STPG2: variants seen among roughly 807,000 people sequenced by gnomAD.
The protein encoded by STPG2 is sperm tail PG-rich repeat containing 2.
Under a neutral mutation model 54.2 loss-of-function variants are expected in STPG2, and 56 were observed. That is an observed-to-expected ratio of 1.03 (90% CI 0.83 to 1.29). The LOEUF (loss-of-function observed/expected upper bound fraction) is 1.29, where lower values mean the gene tolerates loss of function less well. Ranked by LOEUF, STPG2 falls within the 50% of genes most tolerant of loss-of-function variation. The probability of loss-of-function intolerance (pLI) is 0.00; values close to 1 mark genes in which losing one functional copy is unlikely to be tolerated. For synonymous variants in STPG2, 200 were observed against 181.8 expected (o/e 1.10, Z -0.81); for missense variants, 596 against 544.9 (o/e 1.09, Z -0.93).
chr4:97,914,181 C>T (rs2149202647), intron 8 of STPG2, among the ~76,000 whole-genome samples: 1 of 152,244 alleles, frequency 6.6e-6, no homozygotes, highest in East Asian at 1.9e-4. Context: ...TAATCTTTGT[C>T]TGAAAGTAAA....
chr4:97,564,085 A>G (rs1321729545), intron 10 of STPG2, among the ~76,000 whole-genome samples: 5 of 152,106 alleles, frequency 3.3e-5, no homozygotes, highest in Admixed American at 3.3e-4. Flanking sequence ...ATTGTAGGTC[A>G]CTGAGGACTT....
At chr4:97,918,937 A>C (rs1219827169) in intron 8 of STPG2, among the ~76,000 whole-genome samples, 1 of 152,182 alleles carries the variant, frequency 6.6e-6, no homozygotes, top group Non-Finnish European at 1.5e-5. Flanking sequence ...GTAACCAAAC[A>C]CCACCTGTTC....
chr4:98,045,655 A>G (rs956771097), intron 5 of STPG2, among the ~76,000 whole-genome samples: 1 of 152,038 alleles, frequency 6.6e-6, no homozygotes, highest in African/African-American at 2.4e-5. Context: ...TAGCACTTTG[A>G]TTATATTACC....
chr4:97,651,470 G>A (rs1398397908), intron 10 of STPG2, among the ~76,000 whole-genome samples: 1 of 151,950 alleles, frequency 6.6e-6, no homozygotes, highest in Non-Finnish European at 1.5e-5. Flanking sequence ...TGTTAATTAA[G>A]CTATCTGGAA....
chr4:97,560,607 T>C (rs552883481), intron 10 of STPG2, among the ~76,000 whole-genome samples: 7 of 152,230 alleles, frequency 4.6e-5, no homozygotes, highest in Admixed American at 4.6e-4. Context: ...TAAATTCTCC[T>C]TTTCTCCATT....
At chr4:97,494,719 A>G (rs112330952) in intron 4 of STPG2, among the ~76,000 whole-genome samples, 3,089 of 50,866 alleles carry the variant, frequency 0.061, 65 homozygotes, top group African/African-American at 0.24. Context: ...TTGCGGAAGG[A>G]GTAAGGATTT....
intron 9 of STPG2, among the ~76,000 whole-genome samples, chr4:97,835,416 G>A (rs1728600676): frequency 6.6e-6 from 1 of 152,068 alleles, no homozygotes; most frequent in Non-Finnish European, 1.5e-5. Context: ...ACAGCCCCTA[G>A]GGCTGCTCTG....
chr4:97,745,259 A>G, intron 9 of STPG2, among the ~76,000 whole-genome samples: 1 of 98,714 alleles, frequency 1.0e-5, no homozygotes, highest in East Asian at 2.4e-4. Context: ...AAAAAACAAA[A>G]AAACAAAAAA....
chr4:97,969,361 C>T (rs988811882), intron 7 of STPG2, among the ~76,000 whole-genome samples: 1 of 152,226 alleles, frequency 6.6e-6, no homozygotes, highest in South Asian at 2.1e-4. Flanking sequence ...TTACTTCATC[C>T]CCATGTGACC....
chr4:98,039,652 C>G (rs1736885987), intron 5 of STPG2, among the ~76,000 whole-genome samples: 1 of 149,476 alleles, frequency 6.7e-6, no homozygotes. Context: ...ACAAAACTGC[C>G]TTTGCACCCC....
At chr4:97,989,141 C>T (rs1455518393) in intron 5 of STPG2, among the ~76,000 whole-genome samples, 1 of 152,134 alleles carries the variant, frequency 6.6e-6, no homozygotes, top group East Asian at 1.9e-4. Flanking sequence ...AGAGGCACTT[C>T]AGCAATGATA....
At chr4:97,959,905 T>A (rs1339370437) in intron 7 of STPG2, among the ~76,000 whole-genome samples, 2 of 152,040 alleles carry the variant, frequency 1.3e-5, no homozygotes, top group East Asian at 3.9e-4. Context: ...AAAAGAAAAC[T>A]ACAAATGGAT....
At chr4:97,706,976 A>C (rs1457161536) in intron 10 of STPG2, among the ~76,000 whole-genome samples, 1 of 152,194 alleles carries the variant, frequency 6.6e-6, no homozygotes, top group African/African-American at 2.4e-5. Context: ...AAATGGTTGT[A>C]TGTTTACCTG....
chr4:97,911,161 C>T (rs1013262641), intron 8 of STPG2, among the ~76,000 whole-genome samples: 1 of 152,236 alleles, frequency 6.6e-6, no homozygotes, highest in Admixed American at 6.5e-5. Context: ...AATAAGATCC[C>T]TTCAAGCCCA....
intron 8 of STPG2, among the ~76,000 whole-genome samples, chr4:97,884,881 T>G (rs1240868509): frequency 1.3e-5 from 2 of 152,006 alleles, no homozygotes; most frequent in Non-Finnish European, 2.9e-5. Flanking sequence ...CTTCTCACGG[T>G]TCAAATTTGG....
rs192850849 is a variant in STPG2 at position 97,799,341 on chromosome 4, T to C, written c.1204+41432A>G. 6.4e-4 allele frequency among the ~76,000 whole-genome samples: 98 copies of C among 152,354 alleles called. 1 individual carries two copies. Among genetic ancestry groups the C allele is most frequent in the Non-Finnish European group, 1.8e-4 (12 of 68,036 alleles). On this transcript the variant is annotated intron_variant, in intron 9 of 10. Transcript: ENST00000295268. ...GGTACAAGTTGTTCCTTTCCATGTT[T>C]AGTGCTTCCTTCAGGAGCTCTTGTA...
intron 9 of STPG2, among the ~76,000 whole-genome samples, chr4:97,836,826 A>C (rs772124623): frequency 6.7e-6 from 1 of 149,928 alleles, no homozygotes; most frequent in Non-Finnish European, 1.5e-5. Context: ...ATTAATTAAT[A>C]ATTAATATTA....
At chr4:97,843,462 A>G (rs1397433669) in intron 8 of STPG2, among the ~76,000 whole-genome samples, 1 of 151,996 alleles carries the variant, frequency 6.6e-6, no homozygotes, top group East Asian at 1.9e-4. Flanking sequence ...TAAAATTCTT[A>G]AAATGTTTTC....
At chr4:98,050,002 A>G (rs1236082675) in intron 5 of STPG2, among the ~76,000 whole-genome samples, 1 of 152,214 alleles carries the variant, frequency 6.6e-6, no homozygotes, top group Non-Finnish European at 1.5e-5. Context: ...ATTCAAGAGA[A>G]TAATAAACTT....
Sources: gnomAD v4.1 joint callset for allele counts (sites outside exome capture counted in the v4.1 genomes callset) on GRCh38, gnomAD v4.1.1 for gene constraint, MANE v1.5 for transcripts, NCBI Gene and HGNC (gene_info 2026-07-23, HGNC 2026-07-21) for gene names.